Variants in LRRC41 observed in about 807,000 individuals in gnomAD.
The protein encoded by LRRC41 is leucine-rich repeat-containing protein 41.
In LRRC41, 17 loss-of-function variants were observed where a neutral mutation model predicts 72.1. The observed-to-expected ratio is 0.24, with a 90% CI of 0.16 to 0.35. The LOEUF is 0.35. LRRC41 is among the 10% of genes least tolerant of loss of function. LRRC41 has a pLI of 1.00. For synonymous variants in LRRC41, 427 were observed against 431.0 expected (o/e 0.99, Z 0.11); for missense variants, 759 against 1,065.0 (o/e 0.71, Z 4.00).
At position 46,297,871 on chromosome 1, in the gene LRRC41, C is replaced by T. The variant is rs72883418; in HGVS notation, c.287-238G>A. On this transcript the variant is annotated intron_variant, in intron 2 of 9. Coordinates refer to ENST00000617190, the MANE Select transcript of LRRC41 (RefSeq NM_006369.5). ...CTCCTCATCTGTAAAATGTTAATAA[C>T]AGCTATTTCATAGGGTTGTTGAAAG... Among the ~76,000 whole-genome samples the T allele has an allele frequency of 8.2e-3, 1,252 of 152,294 alleles. 19 individuals are homozygous for T. Among genetic ancestry groups the T allele is most frequent in the Middle Eastern group, 0.037 (11 of 294 alleles).
chr1:46,277,825 C>T lies in LRRC41; in HGVS notation c.*1040G>A. ...CACCTCCTCTTCCCCAGGCAGGGAC[C>T]ATTGAGGAGAAGATCTTCCAGCGTC... On this transcript the variant is annotated 3_prime_UTR_variant, in exon 10 of 10. Transcript: ENST00000617190. The T allele has an allele frequency of 6.2e-7, 1 of 1,608,068 alleles. No homozygotes were observed. Among genetic ancestry groups the T allele is most frequent in the Non-Finnish European group, 8.5e-7 (1 of 1,174,764 alleles).
Position 46,303,145 on chromosome 1 carries a change from C to T in LRRC41, c.178G>A (p.Val60Ile). ...TTACCCCACACCCCGCTCTCCAGAA[C>T]CCCCATATGGGCGCTCACCGCCCGC... ...CGRAVSAHMG[V>I]LESGVWALPG... Residue 60 changes from valine to isoleucine, a missense_variant, in exon 1 of 10, where the codon GTT (valine) becomes ATT (isoleucine). By Grantham distance (29) the Val-to-Ile change is conservative. This residue lies in a region of LRRC41 where 116 missense variants were observed against 250.9 expected (regional missense o/e 0.46). Coordinates refer to ENST00000617190, the MANE Select transcript of LRRC41 (RefSeq NM_006369.5). 6.7e-7 allele frequency: 1 copy of T among 1,502,456 alleles called. No individual in the cohort carries two copies. The highest frequency in any genetic ancestry group is 8.9e-7 in the Non-Finnish European group (1 of 1,129,362). 93.1% of individuals were successfully genotyped at this position (1,502,456 alleles called of 1,614,324 possible).
intron 4 of LRRC41, 36 bp from the exon 5 acceptor site, chr1:46,281,421 G>A: frequency 6.2e-7 from 1 of 1,605,942 alleles, no homozygotes; most frequent in Non-Finnish European, 8.5e-7. Context: ...GAACCATGTG[G>A]GAGTGTCAGC....
Position 46,301,409 on chromosome 1 carries a change from C to T in LRRC41, c.199+1715G>A, listed in dbSNP as rs184432386. 1.6e-3 allele frequency among the ~76,000 whole-genome samples: 241 copies of T among 152,216 alleles called. 1 individual carries two copies. The highest frequency in any genetic ancestry group is 2.3e-3 in the Non-Finnish European group (157 of 68,010). On this transcript the variant is annotated intron_variant, in intron 1 of 9. Transcript: ENST00000617190. ...TTTCTGAGCTCCCTGCTCAGCTCTA[C>T]GGAGCCTTTCCTCCTGTTCCCCATG...
Position 46,302,682 on chromosome 1 carries a change from C to T in LRRC41, c.199+442G>A, listed in dbSNP as rs1331794349. ...GGCCATCAGTCAGGTTCGGTGGCCC[C>T]GGGCCTGGCCTGGCCTTGCCTTAGG... is the stretch of plus-strand genomic sequence containing the variant. On this transcript the variant is annotated intron_variant, in intron 1 of 9. Coordinates refer to ENST00000617190, the MANE Select transcript of LRRC41 (RefSeq NM_006369.5). This position sits in a 1 kb window ranked among gnomAD's most constrained non-coding sequence, Gnocchi z 4.7. The T allele has an allele frequency of 1.0e-6, 1 of 985,294 alleles. No individual in the cohort carries two copies. The highest frequency in any genetic ancestry group is 1.7e-5 in the African/African-American group (1 of 57,234). 61.0% of individuals were successfully genotyped at this position (985,294 alleles called of 1,614,324 possible).
At chr1:46,299,166 G>T (rs552378525) in intron 1 of LRRC41, 1 of 152,330 alleles carries the variant, frequency 6.6e-6, no homozygotes, top group African/African-American at 2.4e-5. Flanking sequence ...GGCCTCTAGA[G>T]TAGGACAAAT....
intron 4 of LRRC41, among the ~76,000 whole-genome samples, chr1:46,283,476 C>T (rs1159752551): frequency 1.3e-5 from 2 of 151,996 alleles, no homozygotes; most frequent in East Asian, 3.9e-4. Context: ...AAAATGCATT[C>T]AAGTTGGATG....
Position 46,302,178 on chromosome 1 carries a change from G to A in LRRC41, c.199+946C>T. On this transcript the variant is annotated intron_variant, in intron 1 of 9. Transcript: ENST00000617190. This position sits in a 1 kb window ranked among gnomAD's most constrained non-coding sequence, Gnocchi z 4.7. ...TGGTCCCGGCCGCCTTCAGGCCTGG[G>A]GCCCCCGTTCACTCCCATTCAGCCC... 1 of 985,298 alleles carries A rather than the reference G, an allele frequency of 1.0e-6. No individual in the cohort carries two copies. The highest frequency in any genetic ancestry group is 4.7e-5 in the South Asian group (1 of 21,286). The allele number at this position is 985,298 out of a possible 1,614,324, so 61.0% of individuals were successfully genotyped here.
At chr1:46,301,414 C>A (rs1661220243) in intron 1 of LRRC41, among the ~76,000 whole-genome samples, 1 of 152,106 alleles carries the variant, frequency 6.6e-6, no homozygotes, top group Non-Finnish European at 1.5e-5. Flanking sequence ...CTCTACGGAG[C>A]CTTTCCTCCT....
At position 46,286,083 on chromosome 1, in the gene LRRC41, A is replaced by C. The variant is rs1569643963; in HGVS notation, c.774T>G (p.Pro258=). Reference sequence around the variant, plus strand: ...CACAGAGGCGGCAGGGTGGGCCACCAGGCCCTGGTTGCCAGAAGCCAGCAC... The same window carrying C: ...CACAGAGGCGGCAGGGTGGGCCACCCGGCCCTGGTTGCCAGAAGCCAGCAC... ...TMSAGFWQPG[P]GGPPCRLCGE... The change falls in exon 4 of 10, where the codon CCT becomes CCG. Residue 258 remains proline, a synonymous_variant. Coordinates refer to ENST00000617190, the MANE Select transcript of LRRC41 (RefSeq NM_006369.5). This position sits in a 1 kb window ranked among gnomAD's most constrained non-coding sequence, Gnocchi z 5.5. 3 of 1,611,030 alleles carry C rather than the reference A, an allele frequency of 1.9e-6. No individual in the cohort carries two copies. Among genetic ancestry groups the C allele is most frequent in the Non-Finnish European group, 2.5e-6 (3 of 1,177,484 alleles).
chr1:46,301,829 C>G (rs924194604), intron 1 of LRRC41, among the ~76,000 whole-genome samples: 2 of 151,968 alleles, frequency 1.3e-5, no homozygotes, highest in African/African-American at 4.8e-5. Flanking sequence ...GCTCTCCTGC[C>G]CCCCTCCCCA....
Position 46,285,540 on chromosome 1 carries a change from A to C in LRRC41, c.1317T>G (p.Ala439=). 6.2e-7 allele frequency: 1 copy of C among 1,613,734 alleles called. No homozygotes were observed. The highest frequency in any genetic ancestry group is 8.5e-7 in the Non-Finnish European group (1 of 1,179,852). ...EMEIGEVACG[A]LDGSDPSCLG... Reference sequence around the variant, plus strand: ...GGCAGCTGGGATCTGATCCATCCAAAGCTCCACAAGCCACTTCCCCAATCT... The same window carrying C: ...GGCAGCTGGGATCTGATCCATCCAACGCTCCACAAGCCACTTCCCCAATCT... Residue 439 remains alanine, a synonymous_variant, in exon 4 of 10, where the codon GCT becomes GCG. Transcript: ENST00000617190. The surrounding 1 kb of genome is among the most constrained non-coding windows in gnomAD (Gnocchi z 5.3).
chr1:46,281,664 T>G (rs1047303292), intron 4 of LRRC41, among the ~76,000 whole-genome samples: 2 of 152,226 alleles, frequency 1.3e-5, no homozygotes, highest in Non-Finnish European at 2.9e-5. Context: ...AGCATGTGGC[T>G]ACTAGCTGAA....
chr1:46,296,490 C>T (rs1309817938), intron 3 of LRRC41, among the ~76,000 whole-genome samples: 1 of 152,116 alleles, frequency 6.6e-6, no homozygotes, highest in Non-Finnish European at 1.5e-5. Flanking sequence ...TCTATTCTTC[C>T]AATATCTAGT....
Position 46,285,480 on chromosome 1 carries a change from G to A in LRRC41, c.1377C>T (p.Phe459=). Reference sequence around the variant, plus strand: ...ATAGCTCCAAGGTGGAGATGCTGCGGAATCTTTGTGAAGCTTCCAGTGCTG... The same window carrying A: ...ATAGCTCCAAGGTGGAGATGCTGCGAAATCTTTGTGAAGCTTCCAGTGCTG... ...GLPALEASQR[F]RSISTLELFT... is the part of the protein sequence containing the mutation. The change falls in exon 4 of 10, where the codon TTC becomes TTT. Residue 459 remains phenylalanine, a synonymous_variant. Coordinates refer to ENST00000617190, the MANE Select transcript of LRRC41 (RefSeq NM_006369.5). The surrounding 1 kb of genome is among the most constrained non-coding windows in gnomAD (Gnocchi z 5.3). 1.2e-6 allele frequency: 2 copies of A among 1,614,172 alleles called. No individual in the cohort carries two copies. Among genetic ancestry groups the A allele is most frequent in the East Asian group, 2.2e-5 (1 of 44,884 alleles).
rs1661266442 is a variant in LRRC41 at position 46,302,680 on chromosome 1, C to T, written c.199+444G>A. The T allele has an allele frequency of 1.0e-6, 1 of 985,298 alleles. No homozygotes were observed. Among genetic ancestry groups the T allele is most frequent in the Non-Finnish European group, 1.2e-6 (1 of 829,928 alleles). 61.0% of individuals were successfully genotyped at this position (985,298 alleles called of 1,614,324 possible). On this transcript the variant is annotated intron_variant, in intron 1 of 9. Transcript: ENST00000617190. This position sits in a 1 kb window ranked among gnomAD's most constrained non-coding sequence, Gnocchi z 4.7. ...GGGGCCATCAGTCAGGTTCGGTGGC[C>T]CCGGGCCTGGCCTGGCCTTGCCTTA...
In LRRC41 at chr1:46,286,436, T is replaced by C; in HGVS notation, c.421A>G (p.Ile141Val). 1 of 1,613,930 alleles carries C rather than the reference T, an allele frequency of 6.2e-7. No individual in the cohort carries two copies. The change falls in exon 4 of 10, where the codon ATT becomes GTT. Residue 141 changes from isoleucine (I) to valine (V), a missense_variant. Coordinates refer to ENST00000617190, the MANE Select transcript of LRRC41 (RefSeq NM_006369.5). This position sits in a 1 kb window ranked among gnomAD's most constrained non-coding sequence, Gnocchi z 5.5. ...AFFSHVLRGT[I>V]DVSSDRRLCD... ...AGACGCCTGTCAGAAGACACATCAA[T>C]GGTCCCACGTAGAACATGGGAAAAA...
chr1:46,301,943 G>A, intron 1 of LRRC41: 1 of 984,774 alleles, frequency 1.0e-6, no homozygotes, highest in Non-Finnish European at 1.2e-6. Context: ...GGCCTCCCCT[G>A]TCCCCAGCGC....
chr1:46,293,261 C>G (rs1334649902), intron 3 of LRRC41, among the ~76,000 whole-genome samples: 3 of 150,350 alleles, frequency 2.0e-5, no homozygotes, highest in Non-Finnish European at 4.4e-5. Flanking sequence ...TTGTTTTGTG[C>G]TCTTTTTTAA....
Sources: gnomAD v4.1 joint callset for allele counts (sites outside exome capture counted in the v4.1 genomes callset) on GRCh38, gnomAD v4.1.1 for gene constraint, gnomAD v4.1.1 regional missense constraint, Gnocchi (gnomAD v3.1) non-coding constraint, MANE v1.5 for transcripts, NCBI Gene and HGNC (gene_info 2026-07-23, HGNC 2026-07-21) for gene names.